Variants in SLC27A6 observed in about 807,000 individuals in gnomAD.
The protein encoded by SLC27A6 is long-chain fatty acid transport protein 6.
SLC27A6 carries 74 observed loss-of-function variants against 63.9 expected under a neutral mutation model. The observed-to-expected ratio is 1.16, with a 90% CI of 0.96 to 1.40. SLC27A6 has a LOEUF of 1.40. SLC27A6 is among the 40% of genes most tolerant of loss of function. SLC27A6 has a pLI of 0.00. For synonymous variants in SLC27A6, 287 were observed against 260.8 expected, an observed-to-expected ratio of 1.10 and a Z score of -0.97; for missense variants, 794 against 732.9, an observed-to-expected ratio of 1.08 and a Z score of -0.96.
chr5:128,971,610 GT>G (rs1750166791), intron 1 of SLC27A6, among the ~76,000 whole-genome samples: 1 of 151,210 alleles, frequency 6.6e-6, no homozygotes, highest in African/African-American at 2.4e-5. Flanking sequence ...TTTCCATTTG[GT>G]TGGTCGGTCT....
At chr5:129,011,402 A>G (rs1321635973) in intron 4 of SLC27A6, among the ~76,000 whole-genome samples, 1 of 152,182 alleles carries the variant, frequency 6.6e-6, no homozygotes, top group Non-Finnish European at 1.5e-5. Flanking sequence ...CTGATGATGA[A>G]TGATGTTGAG....
At chr5:129,019,597 A>G (rs1752011464) in intron 5 of SLC27A6, among the ~76,000 whole-genome samples, 1 of 152,006 alleles carries the variant, frequency 6.6e-6, no homozygotes, top group African/African-American at 2.4e-5. Flanking sequence ...ATAAGAGCCC[A>G]GAAAAGAAAA....
chr5:129,000,774 AAC>A (rs751368606), intron 4 of SLC27A6, among the ~76,000 whole-genome samples: 7 of 152,156 alleles, frequency 4.6e-5, no homozygotes, highest in African/African-American at 7.2e-5. Flanking sequence ...TAGGTGATTT[AAC>A]ACAGTTATTC....
intron 4 of SLC27A6, among the ~76,000 whole-genome samples, chr5:129,013,814 T>A (rs1368062156): frequency 6.6e-6 from 1 of 152,186 alleles, no homozygotes; most frequent in Non-Finnish European, 1.5e-5. Context: ...TTTTGGCATG[T>A]TCTTTGCGTC....
Position 128,965,994 on chromosome 5 carries a change from G to T in SLC27A6, c.-144G>T. ...GTTTCTCAGGATTCCTCCCCATCCC[G>T]CTTCGCCCCGGAAAAGCTGACAAGA... On this transcript the variant is annotated 5_prime_UTR_variant, in exon 1 of 10. Coordinates refer to ENST00000262462, the MANE Select transcript of SLC27A6 (RefSeq NM_001017372.3). 1.1e-6 allele frequency: 1 copy of T among 927,954 alleles called. No homozygotes were observed. Among genetic ancestry groups the T allele is most frequent in the Non-Finnish European group, 1.5e-6 (1 of 664,192 alleles). 57.5% of individuals were successfully genotyped at this position (927,954 alleles called of 1,614,324 possible). A position where few individuals can be genotyped will look rare whatever the true frequency, so the allele number is the denominator to read the frequency against.
At chr5:129,001,927 A>G (rs1441317324) in intron 4 of SLC27A6, among the ~76,000 whole-genome samples, 1 of 152,198 alleles carries the variant, frequency 6.6e-6, no homozygotes, top group African/African-American at 2.4e-5. Flanking sequence ...ACCTTGTAGG[A>G]GGTACCTACA....
At chr5:129,001,399 A>G (rs1751327508) in intron 4 of SLC27A6, among the ~76,000 whole-genome samples, 2 of 152,178 alleles carry the variant, frequency 1.3e-5, no homozygotes, top group African/African-American at 2.4e-5. Flanking sequence ...GTTTCAGTGT[A>G]TAATATTGGA....
intron 1 of SLC27A6, among the ~76,000 whole-genome samples, chr5:128,972,701 A>G (rs899116856): frequency 1.3e-5 from 2 of 152,036 alleles, no homozygotes; most frequent in East Asian, 3.9e-4. Context: ...CTTCTTTGTG[A>G]TGGTTTCGAA....
In SLC27A6 at chr5:129,028,471, A is replaced by G. The variant is rs186332625; in HGVS notation, c.1552+29A>G. On this transcript the variant is annotated intron_variant, in intron 8 of 9. Coordinates refer to ENST00000262462, the MANE Select transcript of SLC27A6 (RefSeq NM_001017372.3). Reference sequence around the variant, plus strand: ...TAAATATATTTCAGATTTTGGAAAGATTCTTAGAATAGAATTGCCACTATT... The same window carrying G: ...TAAATATATTTCAGATTTTGGAAAGGTTCTTAGAATAGAATTGCCACTATT... The G allele has an allele frequency of 5.8e-4, 782 of 1,340,918 alleles. 3 individuals carry two copies. In the African/African-American group the frequency reaches 0.01, roughly 18 times the overall value. 83.1% of individuals were successfully genotyped at this position (1,340,918 alleles called of 1,614,324 possible). A position where few individuals can be genotyped will look rare whatever the true frequency, so the allele number is the denominator to read the frequency against.
At chr5:129,001,498 T>C (rs2150142067) in intron 4 of SLC27A6, among the ~76,000 whole-genome samples, 1 of 152,316 alleles carries the variant, frequency 6.6e-6, no homozygotes, top group Admixed American at 6.5e-5. Flanking sequence ...ATATATATAA[T>C]TGTGAGCAGG....
chr5:129,013,826 CAT>C (rs1751806237), intron 4 of SLC27A6, among the ~76,000 whole-genome samples: 1 of 152,084 alleles, frequency 6.6e-6, no homozygotes, highest in African/African-American at 2.4e-5. Context: ...CTTTGCGTCT[CAT>C]ATGTCTTTTA....
chr5:128,997,374 G>C (rs900972773), intron 4 of SLC27A6, among the ~76,000 whole-genome samples: 3 of 152,048 alleles, frequency 2.0e-5, no homozygotes, highest in Non-Finnish European at 4.4e-5. Context: ...CCTTAAATAA[G>C]TCAAAGATAT....
chr5:128,973,057 G>A (rs1415322707), intron 1 of SLC27A6, among the ~76,000 whole-genome samples: 1 of 152,176 alleles, frequency 6.6e-6, no homozygotes, highest in Non-Finnish European at 1.5e-5. Context: ...TTTGCTGGAG[G>A]TCCACTCCAG....
chr5:129,016,395 C>CA (rs759333355), intron 5 of SLC27A6, among the ~76,000 whole-genome samples: 1,752 of 63,478 alleles, frequency 0.028, 63 homozygotes, highest in African/African-American at 0.037. Flanking sequence ...GACTCTGTCT[C>CA]AAAAAAAAAA....
intron 1 of SLC27A6, among the ~76,000 whole-genome samples, chr5:128,980,726 A>G (rs1394718964): frequency 6.6e-6 from 1 of 152,192 alleles, no homozygotes; most frequent in Admixed American, 6.5e-5. Context: ...AAAGTTAACC[A>G]TTTGTAGCTG....
At chr5:129,016,375 G>T (rs1393503957) in intron 5 of SLC27A6, among the ~76,000 whole-genome samples, 1 of 127,140 alleles carries the variant, frequency 7.9e-6, no homozygotes, top group Non-Finnish European at 1.6e-5. Context: ...CAGCCTGGGC[G>T]ACAGAGCGAG....
At chr5:128,988,988 G>A (rs553960144) in intron 3 of SLC27A6, among the ~76,000 whole-genome samples, 1 of 152,108 alleles carries the variant, frequency 6.6e-6, no homozygotes, top group Non-Finnish European at 1.5e-5. Flanking sequence ...GTCGGAGCTG[G>A]CTATTGGCTG....
At chr5:128,988,273 CAGAT>C (rs1750860023) in intron 2 of SLC27A6, among the ~76,000 whole-genome samples, 1 of 152,162 alleles carries the variant, frequency 6.6e-6, no homozygotes, top group African/African-American at 2.4e-5. Context: ...TGCTCTTTAT[CAGAT>C]AGCTACTGAA....
At chr5:128,981,787 T>C (rs1432917922) in intron 1 of SLC27A6, among the ~76,000 whole-genome samples, 3 of 150,000 alleles carry the variant, frequency 2.0e-5, no homozygotes, top group Non-Finnish European at 4.4e-5. Context: ...TTAAAGGACA[T>C]GAAAAGAGTT....
Sources: gnomAD v4.1 joint callset for allele counts (sites outside exome capture counted in the v4.1 genomes callset) on GRCh38, gnomAD v4.1.1 for gene constraint, MANE v1.5 for transcripts, NCBI Gene and HGNC (gene_info 2026-07-23, HGNC 2026-07-21) for gene names.